UPRT: variants seen among roughly 807,000 people sequenced by gnomAD.
UPRT encodes uracil phosphoribosyltransferase homolog, also known as RP11-311P8.3.
Under a neutral mutation model 22.6 loss-of-function variants are expected in UPRT, and 5 were observed. The observed-to-expected ratio is 0.22, with a 90% CI of 0.12 to 0.47. The LOEUF (loss-of-function observed/expected upper bound fraction) is 0.47, where lower values mean the gene tolerates loss of function less well. UPRT is among the 20% of genes least tolerant of loss of function. The pLI, the probability that UPRT is intolerant of heterozygous loss-of-function variation, is 0.99. For synonymous variants in UPRT, 77 were observed against 87.7 expected (o/e 0.88, Z 0.68); for missense variants, 181 against 239.9 (o/e 0.75, Z 1.62).
chrX:75,237,023 G>A (rs2082468576), intron 4 of UPRT, among the ~76,000 whole-genome samples: 1 of 111,796 alleles, frequency 8.9e-6, no homozygotes, highest in South Asian at 3.7e-4. Context: ...CCTACAAAAT[G>A]GGAGAAAATT....
intron 1 of UPRT, among the ~76,000 whole-genome samples, chrX:75,278,235 A>T (rs1166074330): frequency 1.8e-5 from 2 of 112,030 alleles, no homozygotes; most frequent in African/African-American, 6.5e-5. Context: ...GCAGGACTGC[A>T]TGTTGTTGTA....
At chrX:75,260,788 A>C (rs137969058) in intron 4 of UPRT, among the ~76,000 whole-genome samples, 2,122 of 111,789 alleles carry the variant, frequency 0.019, 130 homozygotes, top group Admixed American at 0.14. Context: ...ACCCCAAATC[A>C]ACAGAATATA....
intron 4 of UPRT, among the ~76,000 whole-genome samples, chrX:75,170,880 A>G (rs1193034676): frequency 9.0e-6 from 1 of 111,629 alleles, no homozygotes; most frequent in East Asian, 2.8e-4. Context: ...TAATTTATTT[A>G]AGGAAGTTAA....
At chrX:75,182,317 T>C (rs2082272941) in intron 4 of UPRT, among the ~76,000 whole-genome samples, 1 of 111,950 alleles carries the variant, frequency 8.9e-6, no homozygotes, top group African/African-American at 3.2e-5. Flanking sequence ...TGAAGTTTTC[T>C]TTTATTTGGT....
intron 1 of UPRT, among the ~76,000 whole-genome samples, chrX:75,282,321 T>C (rs2082661577): frequency 9.0e-6 from 1 of 110,848 alleles, no homozygotes; most frequent in African/African-American, 3.3e-5. Flanking sequence ...TGGTTTGTTC[T>C]TGTTTCTCTA....
At position 75,161,328 on chromosome X, in the gene UPRT, C is replaced by T. The variant is rs186043602; in HGVS notation, c.-615+657C>T. Among the ~76,000 whole-genome samples the T allele has an allele frequency of 3.5e-5, 4 of 112,821 alleles. No individual in the cohort carries two copies. The East Asian group carries it at 1.1e-3, about 31-fold the overall frequency. On this transcript the variant is annotated intron_variant, in intron 2 of 13. Transcript: ENST00000652605. The stretch of plus-strand genomic sequence containing the variant: ...ATATCCAAATCCAGAAGGTCTGATT[C>T]CAGAGCCCATGCTCCTTGTCACCAT...
chrX:75,236,391 T>C (rs1211215843), intron 4 of UPRT, among the ~76,000 whole-genome samples: 1 of 111,443 alleles, frequency 9.0e-6, no homozygotes, highest in East Asian at 2.8e-4. Flanking sequence ...ATTTACAGAT[T>C]CAATGCCATC....
chrX:75,278,207 G>C (rs1377850505), intron 1 of UPRT, among the ~76,000 whole-genome samples: 1 of 111,840 alleles, frequency 8.9e-6, no homozygotes, highest in Non-Finnish European at 1.9e-5. Context: ...TTGGTATGGG[G>C]AAATCGGGAT....
At chrX:75,284,511 C>T (rs188641906) in intron 1 of UPRT, among the ~76,000 whole-genome samples, 3 of 111,818 alleles carry the variant, frequency 2.7e-5, no homozygotes, top group Non-Finnish European at 3.8e-5. Context: ...GTACTCTCCT[C>T]CGTTTCCTAT....
intron 1 of UPRT, among the ~76,000 whole-genome samples, chrX:75,279,420 T>C (rs1200580973): frequency 1.8e-5 from 2 of 111,416 alleles, no homozygotes; most frequent in Non-Finnish European, 3.8e-5. Flanking sequence ...CACTAAGCTA[T>C]ACGGACCTCT....
chrX:75,251,985 G>C (rs1362327526), intron 4 of UPRT, among the ~76,000 whole-genome samples: 1 of 111,981 alleles, frequency 8.9e-6, no homozygotes, highest in Non-Finnish European at 1.9e-5. Flanking sequence ...TTAATAAATG[G>C]TGCTGGGAAA....
chrX:75,267,073 C>G (rs1235941912), intron 4 of UPRT, among the ~76,000 whole-genome samples: 2 of 111,225 alleles, frequency 1.8e-5, no homozygotes, highest in African/African-American at 6.5e-5. Flanking sequence ...TTTGACCCAG[C>G]CATCCAATTA....
intron 4 of UPRT, among the ~76,000 whole-genome samples, chrX:75,209,413 G>A (rs982887594): frequency 1.8e-5 from 2 of 110,703 alleles, no homozygotes; most frequent in African/African-American, 3.3e-5. Flanking sequence ...CGCTCTTGTC[G>A]CCCAGGCTGG....
rs151122705 is a variant in UPRT, at chrX:75,227,843, A to G, written c.-447+59964A>G. Among the ~76,000 whole-genome samples, 944 of 112,737 alleles carry G rather than the reference A, an allele frequency of 8.4e-3. 7 individuals carry two copies. Among genetic ancestry groups the G allele is most frequent in the African/African-American group, 0.029 (903 of 31,111 alleles). On this transcript the variant is annotated intron_variant, in intron 4 of 13. Coordinates refer to the UPRT transcript ENST00000652605. ...ACAAATCAAAGCCAGAACTCAGTCAATTAATCTTGTCAGTCAGACTCCCTG... is the reference window on the plus strand; with the variant it reads ...ACAAATCAAAGCCAGAACTCAGTCAGTTAATCTTGTCAGTCAGACTCCCTG...
chrX:75,274,208 T>G lies in UPRT; in HGVS notation c.-47T>G. ...ATCTGTCCTTTCTACCCGTTCCTCT[T>G]TATCTTTAGTGTTCAGTAGCAGCGG... On this transcript the variant is annotated 5_prime_UTR_variant, in exon 1 of 7. Coordinates refer to ENST00000373383, the MANE Select transcript of UPRT (RefSeq NM_145052.4). The G allele has an allele frequency of 8.6e-7, 1 of 1,159,593 alleles. No homozygotes were observed. The highest frequency in any genetic ancestry group is 1.2e-6 in the Non-Finnish European group (1 of 868,624).
intron 4 of UPRT, among the ~76,000 whole-genome samples, chrX:75,249,503 G>A (rs897418539): frequency 8.9e-6 from 1 of 111,829 alleles, no homozygotes; most frequent in African/African-American, 3.3e-5. Flanking sequence ...TCAACAAGAA[G>A]AGCTGACAAT....
At chrX:75,193,258 A>G (rs1425625250) in intron 4 of UPRT, among the ~76,000 whole-genome samples, 3 of 112,124 alleles carry the variant, frequency 2.7e-5, no homozygotes, top group African/African-American at 6.5e-5. Context: ...TCTTTGTCAA[A>G]AATTCTTTTC....
At chrX:75,195,267 C>G (rs2082329748) in intron 4 of UPRT, among the ~76,000 whole-genome samples, 2 of 112,268 alleles carry the variant, frequency 1.8e-5, no homozygotes, top group Non-Finnish European at 3.8e-5. Context: ...CTAAGAGTCA[C>G]CCCACCTGGG....
chrX:75,205,255 G>A (rs1217971408), intron 4 of UPRT, among the ~76,000 whole-genome samples: 1 of 108,568 alleles, frequency 9.2e-6, no homozygotes, highest in South Asian at 4.1e-4. Flanking sequence ...CTGTAGTCCC[G>A]GCTACTCGGG....
Sources: gnomAD v4.1 joint callset for allele counts (sites outside exome capture counted in the v4.1 genomes callset) on GRCh38, gnomAD v4.1.1 for gene constraint, MANE v1.5 for transcripts, NCBI Gene and HGNC (gene_info 2026-07-23, HGNC 2026-07-21) for gene names.